HMCN1: variants seen among roughly 807,000 people sequenced by gnomAD.
HMCN1 encodes the protein hemicentin 1.
In HMCN1, 321 loss-of-function variants were observed where a neutral mutation model predicts 625.9. The ratio of observed to expected loss-of-function variants is 0.51; its 90% CI spans 0.47 to 0.56. The LOEUF (loss-of-function observed/expected upper bound fraction) is 0.56, where lower values mean the gene tolerates loss of function less well. Ranked by LOEUF, HMCN1 falls within the 20% of genes least tolerant of loss-of-function variation. HMCN1 has a pLI of 0.00. For missense variants in HMCN1, 6,588 were observed against 6,887.3 expected (o/e 0.96, Z 1.54); for synonymous variants, 2,425 against 2,417.6 (o/e 1.00, Z -0.09).
At chr1:186,052,903 G>T (rs2102278169) in intron 42 of HMCN1, 49 bp from the exon 43 acceptor site, 1 of 1,478,834 alleles carries the variant, frequency 6.8e-7, no homozygotes, top group Non-Finnish European at 9.4e-7. Flanking sequence ...ACTGTTATGA[G>T]AATTCTATAT....
chr1:186,071,458 C>T (rs1046341499), intron 52 of HMCN1, among the ~76,000 whole-genome samples: 12 of 152,154 alleles, frequency 7.9e-5, no homozygotes, highest in African/African-American at 2.2e-4. Flanking sequence ...TTTTAAAAGA[C>T]ATATGTGCTG....
At chr1:185,884,867 T>C (rs1664535725) in intron 4 of HMCN1, among the ~76,000 whole-genome samples, 1 of 151,988 alleles carries the variant, frequency 6.6e-6, no homozygotes, top group Non-Finnish European at 1.5e-5. Flanking sequence ...GCTTAAAGAA[T>C]GGCATTGATC....
intron 85 of HMCN1, among the ~76,000 whole-genome samples, chr1:186,131,468 A>AT (rs1661929630): frequency 6.6e-6 from 1 of 151,964 alleles, no homozygotes; most frequent in Non-Finnish European, 1.5e-5. Context: ...GTTAATACTA[A>AT]TTTTTTTCAT....
chr1:186,116,962 T>C, intron 75 of HMCN1, 32 bp from the exon 76 acceptor site: 3 of 1,610,272 alleles, frequency 1.9e-6, no homozygotes, highest in African/African-American at 1.3e-5. Context: ...AACCTACATA[T>C]AGTATCTCAT....
intron 53 of HMCN1, 90 bp downstream of exon 53, chr1:186,074,981 T>A: frequency 3.7e-6 from 4 of 1,085,974 alleles, no homozygotes; most frequent in Non-Finnish European, 2.7e-6. Context: ...AACAGTGTTT[T>A]TTTCTGTTGA....
At position 186,172,151 on chromosome 1, in the gene HMCN1, C is replaced by T. The variant is rs372152696; in HGVS notation, c.15814+20C>T. 24 of 1,612,858 alleles carry T rather than the reference C, an allele frequency of 1.5e-5. No individual in the cohort carries two copies. The highest frequency in any genetic ancestry group is 2.2e-5 in the East Asian group (1 of 44,846). On this transcript the variant is annotated intron_variant, in intron 102 of 106. Coordinates refer to ENST00000271588, the MANE Select transcript of HMCN1 (RefSeq NM_031935.3). ...GTATTGGTGAGTGTCTGGCTGTTTCCGTGACTGAGATCAGTTTGCCGTCAA... is the reference window on the plus strand; with the variant it reads ...GTATTGGTGAGTGTCTGGCTGTTTCTGTGACTGAGATCAGTTTGCCGTCAA...
chr1:186,182,088 C>A, intron 104 of HMCN1, 80 bp from the exon 105 acceptor site: 1 of 1,525,890 alleles, frequency 6.6e-7, no homozygotes, highest in Non-Finnish European at 9.1e-7. Context: ...TGTATATCAA[C>A]AACTTGATGA....
intron 2 of HMCN1, among the ~76,000 whole-genome samples, chr1:185,858,548 G>A (rs1662622015): frequency 2.8e-5 from 3 of 105,708 alleles, no homozygotes; most frequent in Admixed American, 1.9e-4. Context: ...CTGGGACCAC[G>A]TGCCAGCTAT....
chr1:185,861,785 T>C (rs903071744), intron 2 of HMCN1, among the ~76,000 whole-genome samples: 1 of 152,112 alleles, frequency 6.6e-6, no homozygotes, highest in Non-Finnish European at 1.5e-5. Flanking sequence ...GTAAGCACAT[T>C]TGACTGGAAA....
intron 68 of HMCN1, among the ~76,000 whole-genome samples, chr1:186,098,423 G>A (rs1660237143): frequency 1.3e-5 from 2 of 152,038 alleles, no homozygotes; most frequent in African/African-American, 2.4e-5. Flanking sequence ...AAATGGCCAA[G>A]AGGTATATGA....
intron 1 of HMCN1, among the ~76,000 whole-genome samples, chr1:185,803,764 T>C (rs1658979047): frequency 6.6e-6 from 1 of 152,124 alleles, no homozygotes; most frequent in African/African-American, 2.4e-5. Context: ...TATCCTCTCC[T>C]AACAACTTGT....
Position 185,787,137 on chromosome 1 carries a change from A to ATGTG in HMCN1, c.268+52093_268+52094insGTGT, listed in dbSNP as rs1181163433. Among the ~76,000 whole-genome samples, 191 of 132,276 alleles carry ATGTG rather than the reference A, an allele frequency of 1.4e-3. 1 individual carries two copies. In the Middle Eastern group the frequency reaches 0.022, roughly 15 times the overall value. 86.8% of individuals were successfully genotyped at this position (132,276 alleles called of 152,430 possible). The stretch of plus-strand genomic sequence containing the variant: ...AGAGAAAATTGTATGAAGCGCCATG[A>ATGTG]TGTATGTGTGTGTGTGTGTGTGTGT... On this transcript the variant is annotated intron_variant, in intron 1 of 106. Transcript: ENST00000271588.
At chr1:186,016,941 T>G in intron 32 of HMCN1, 22 bp from the exon 33 acceptor site, 1 of 1,309,954 alleles carries the variant, frequency 7.6e-7, no homozygotes, top group South Asian at 1.2e-5. Flanking sequence ...TCTTTGCATG[T>G]TACATTCCTG....
intron 1 of HMCN1, among the ~76,000 whole-genome samples, chr1:185,739,031 T>G (rs2102064524): frequency 6.6e-6 from 1 of 152,294 alleles, no homozygotes; most frequent in South Asian, 2.1e-4. Flanking sequence ...TATCCTCTAA[T>G]CTCAAGTAAG....
intron 23 of HMCN1, 103 bp downstream of exon 23, chr1:185,993,412 T>C: frequency 1.5e-6 from 2 of 1,305,296 alleles, no homozygotes; most frequent in Non-Finnish European, 1.1e-6. Context: ...GTATATAGAG[T>C]GATTAAAGAA....
In HMCN1 at chr1:186,001,019, T is replaced by C. The variant is rs555077030; in HGVS notation, c.4070-279T>C. 5.3e-5 allele frequency among the ~76,000 whole-genome samples: 8 copies of C among 152,172 alleles called. No individual in the cohort carries two copies. In the South Asian group the frequency reaches 1.7e-3, roughly 32 times the overall value. ...AATTAAGACCCCATAAGCTTGTATTTTGAGTAATATGTGAAATAAAAGTAG... is the reference window on the plus strand; with the variant it reads ...AATTAAGACCCCATAAGCTTGTATTCTGAGTAATATGTGAAATAAAAGTAG... On this transcript the variant is annotated intron_variant, in intron 26 of 106. Transcript: ENST00000271588.
At chr1:185,837,646 T>C (rs549085552) in intron 1 of HMCN1, among the ~76,000 whole-genome samples, 1 of 152,322 alleles carries the variant, frequency 6.6e-6, no homozygotes, top group Non-Finnish European at 1.5e-5. Context: ...TATTCTTTTA[T>C]ATAAACATGG....
rs368107737 is a variant in HMCN1, at chr1:186,104,446, G to T, written c.10770+778G>T. Reference sequence around the variant, plus strand: ...CATAATCATCATTCCTCTGAATGTAGAATAACAAATTATTTGATCATATTT... The same window carrying T: ...CATAATCATCATTCCTCTGAATGTATAATAACAAATTATTTGATCATATTT... On this transcript the variant is annotated intron_variant, in intron 69 of 106. Transcript: ENST00000271588. Among the ~76,000 whole-genome samples the T allele has an allele frequency of 2.2e-4, 33 of 152,300 alleles. No individual in the cohort carries two copies. In the East Asian group the frequency reaches 5.6e-3, roughly 26 times the overall value.
At chr1:186,183,292 A>G (rs1219146421) in intron 105 of HMCN1, among the ~76,000 whole-genome samples, 7 of 152,224 alleles carry the variant, frequency 4.6e-5, no homozygotes, top group Non-Finnish European at 8.8e-5. Context: ...AATGGGTCCC[A>G]GGAGGCAAAA....
Sources: gnomAD v4.1 joint callset for allele counts (sites outside exome capture counted in the v4.1 genomes callset) on GRCh38, gnomAD v4.1.1 for gene constraint, MANE v1.5 for transcripts, NCBI Gene and HGNC (gene_info 2026-07-23, HGNC 2026-07-21) for gene names.